Variants in PHTF2 observed in about 807,000 individuals in gnomAD.
PHTF2 encodes protein PHTF2.
In PHTF2, 60 loss-of-function variants were observed where a neutral mutation model predicts 101.2. The ratio of observed to expected loss-of-function variants is 0.59; its 90% CI spans 0.48 to 0.73. PHTF2 has a LOEUF of 0.73. Among genes scored for constraint, PHTF2 ranks in the 30% least tolerant of loss-of-function variants. The probability of loss-of-function intolerance (pLI) is 0.00; values close to 1 mark genes in which losing one functional copy is unlikely to be tolerated. For missense variants in PHTF2, 747 were observed against 908.7 expected, an observed-to-expected ratio of 0.82 and a Z score of 2.29; for synonymous variants, 311 against 307.3, an observed-to-expected ratio of 1.01 and a Z score of -0.13.
At chr7:77,935,389 A>T (rs1805030595) in intron 12 of PHTF2, among the ~76,000 whole-genome samples, 1 of 151,512 alleles carries the variant, frequency 6.6e-6, no homozygotes, top group Admixed American at 6.6e-5. Flanking sequence ...TGCCTGGCTG[A>T]TTTCTTTTTG....
chr7:77,954,005 T>C, intron 19 of PHTF2, 111 bp downstream of exon 18: 1 of 764,722 alleles, frequency 1.3e-6, no homozygotes, highest in South Asian at 2.0e-5. Context: ...ATTGCAATTA[T>C]TGAACATTTC....
At chr7:77,896,599 A>G (rs1481112498) in intron 5 of PHTF2, among the ~76,000 whole-genome samples, 1 of 151,814 alleles carries the variant, frequency 6.6e-6, no homozygotes, top group Non-Finnish European at 1.5e-5. Flanking sequence ...CATCCTCCCT[A>G]CTCTTGTTAT....
intron 1 of PHTF2, among the ~76,000 whole-genome samples, chr7:77,799,417 C>T (rs1370207528): frequency 6.6e-6 from 1 of 152,092 alleles, no homozygotes; most frequent in Non-Finnish European, 1.5e-5. Flanking sequence ...AGCTAGCGGC[C>T]GGAGGAGCGG....
chr7:77,952,676 A>G (rs1806654446), intron 18 of PHTF2, among the ~76,000 whole-genome samples: 1 of 152,168 alleles, frequency 6.6e-6, no homozygotes, highest in Admixed American at 6.5e-5. Flanking sequence ...CTGTGTAGGA[A>G]GGGGCTACAA....
chr7:77,907,930 C>T (rs1802019054), intron 7 of PHTF2: 1 of 151,944 alleles, frequency 6.6e-6, no homozygotes, highest in African/African-American at 2.4e-5. Flanking sequence ...TTGCTGTAGA[C>T]TTTGGTCTTG....
intron 1 of PHTF2, among the ~76,000 whole-genome samples, chr7:77,823,883 TA>T (rs1395004108): frequency 6.6e-6 from 1 of 152,180 alleles, no homozygotes; most frequent in African/African-American, 2.4e-5. Context: ...CAGTGTTGAT[TA>T]AACTCTTTTC....
chr7:77,953,508 TA>T (rs1806730871), intron 18 of PHTF2, among the ~76,000 whole-genome samples: 1 of 152,204 alleles, frequency 6.6e-6, no homozygotes. Flanking sequence ...CTAGCCTCTT[TA>T]TAATAGCTTA....
intron 11 of PHTF2, chr7:77,923,374 CA>C (rs1265068543): frequency 1.0e-6 from 1 of 970,466 alleles, no homozygotes; most frequent in Non-Finnish European, 1.2e-6. Context: ...CACTGTTTAT[CA>C]CTTTTTTATA....
chr7:77,933,711 G>T (rs62462694), intron 12 of PHTF2, among the ~76,000 whole-genome samples: 2,810 of 108,208 alleles, frequency 0.026, 44 homozygotes, highest in Non-Finnish European at 0.037. Context: ...GGGACCATGT[G>T]TTTTTTTTTT....
chr7:77,867,398 C>T (rs560678500), intron 3 of PHTF2, among the ~76,000 whole-genome samples: 2 of 151,776 alleles, frequency 1.3e-5, no homozygotes, highest in Non-Finnish European at 2.9e-5. Flanking sequence ...TGTTTGAATT[C>T]CTGTTTATTG....
chr7:77,800,058 TA>T (rs2150448770), intron 1 of PHTF2, among the ~76,000 whole-genome samples: 1 of 152,294 alleles, frequency 6.6e-6, no homozygotes, highest in East Asian at 1.9e-4. Flanking sequence ...TGTTTTCAGG[TA>T]TTTTTGTAAA....
chr7:77,912,208 G>A (rs543558530), intron 9 of PHTF2, among the ~76,000 whole-genome samples: 31 of 152,158 alleles, frequency 2.0e-4, no homozygotes, highest in Non-Finnish European at 3.5e-4. Flanking sequence ...CCATTATAGT[G>A]GCGAACTCAC....
At chr7:77,883,886 C>T (rs761441461) in intron 3 of PHTF2, among the ~76,000 whole-genome samples, 6 of 152,104 alleles carry the variant, frequency 3.9e-5, no homozygotes, top group Non-Finnish European at 7.4e-5. Flanking sequence ...ATAATTGAAG[C>T]CTAGAGAGAT....
At chr7:77,899,362 T>G (rs1801172841) in intron 5 of PHTF2, among the ~76,000 whole-genome samples, 1 of 152,076 alleles carries the variant, frequency 6.6e-6, no homozygotes, top group African/African-American at 2.4e-5. Flanking sequence ...CAATTTTTTT[T>G]TTTTCACTCC....
At chr7:77,885,834 G>T (rs905904000) in intron 3 of PHTF2, among the ~76,000 whole-genome samples, 2 of 152,178 alleles carry the variant, frequency 1.3e-5, no homozygotes, top group Non-Finnish European at 2.9e-5. Flanking sequence ...TTTGTTGCAT[G>T]GGGTTCATCT....
intron 12 of PHTF2, among the ~76,000 whole-genome samples, chr7:77,932,621 A>AGTGTGTGTGTGTGTGTGT (rs56005414): frequency 5.9e-5 from 7 of 118,476 alleles, no homozygotes; most frequent in African/African-American, 1.8e-4. Flanking sequence ...AGAGAGAGAG[A>AGTGTGTGTGTGTGTGTGT]GTGTGTGTGT....
At chr7:77,809,645 A>G (rs1389392710) in intron 1 of PHTF2, among the ~76,000 whole-genome samples, 2 of 152,226 alleles carry the variant, frequency 1.3e-5, no homozygotes, top group African/African-American at 2.4e-5. Context: ...CCTTAAGGGT[A>G]TAATAATTCA....
chr7:77,862,856 A>G (rs965215622), intron 3 of PHTF2, among the ~76,000 whole-genome samples: 1 of 152,204 alleles, frequency 6.6e-6, no homozygotes, highest in Non-Finnish European at 1.5e-5. Flanking sequence ...CAAATGTACC[A>G]ACTTTGAAAG....
chr7:77,855,660 T>C (rs1409573048), intron 3 of PHTF2, among the ~76,000 whole-genome samples: 1 of 152,144 alleles, frequency 6.6e-6, no homozygotes, highest in Non-Finnish European at 1.5e-5. Flanking sequence ...TTCTGACTGC[T>C]TGGCTGGATG....
Sources: gnomAD v4.1 joint callset for allele counts (sites outside exome capture counted in the v4.1 genomes callset) on GRCh38, gnomAD v4.1.1 for gene constraint, MANE v1.5 for transcripts, NCBI Gene and HGNC (gene_info 2026-07-23, HGNC 2026-07-21) for gene names.